GUCY1A2: variants seen among roughly 807,000 people sequenced by gnomAD.
The protein encoded by GUCY1A2 is guanylate cyclase soluble subunit alpha-2.
GUCY1A2 carries 27 observed loss-of-function variants against 63.5 expected under a neutral mutation model. The observed-to-expected ratio is 0.43, with a 90% confidence interval of 0.31 to 0.59. The LOEUF is 0.59. Ranked by LOEUF, GUCY1A2 falls within the 20% of genes least tolerant of loss-of-function variation. The pLI is 0.11. For missense variants in GUCY1A2, 768 were observed against 913.3 expected (o/e 0.84, Z 2.05); for synonymous variants, 364 against 343.5 (o/e 1.06, Z -0.66).
chr11:106,870,473 A>T (rs1232328653), intron 4 of GUCY1A2, among the ~76,000 whole-genome samples: 2 of 152,126 alleles, frequency 1.3e-5, no homozygotes, highest in Non-Finnish European at 2.9e-5. Flanking sequence ...TAACCAATTA[A>T]CATTAATATA....
intron 6 of GUCY1A2, among the ~76,000 whole-genome samples, chr11:106,760,769 C>A (rs1201074445): frequency 6.6e-6 from 1 of 151,942 alleles, no homozygotes; most frequent in Non-Finnish European, 1.5e-5. Flanking sequence ...AAATAACTGG[C>A]CCATCATTTC....
chr11:107,015,778 C>A (rs1861815229), intron 1 of GUCY1A2, among the ~76,000 whole-genome samples: 1 of 151,954 alleles, frequency 6.6e-6, no homozygotes, highest in Non-Finnish European at 1.5e-5. Flanking sequence ...TAAATATTTT[C>A]AACAATTTGC....
intron 4 of GUCY1A2, chr11:106,936,591 G>T: frequency 1.1e-6 from 1 of 904,080 alleles, no homozygotes; most frequent in Non-Finnish European, 1.7e-6. Context: ...AAAATGTAGA[G>T]GAAACCAAGT....
Position 106,684,354 on chromosome 11 carries a change from A to G in GUCY1A2, c.*3195T>C, listed in dbSNP as rs1420583218. The stretch of plus-strand genomic sequence containing the variant: ...GGCAGATTGTACGCAATTGGGTCCC[A>G]TGTTACCTGGAAGCTATGTCTTCTT... On this transcript the variant is annotated 3_prime_UTR_variant, in exon 8 of 8. Transcript: ENST00000526355. 5.2e-6 allele frequency: 1 copy of G among 190,552 alleles called. No homozygotes were observed. The highest frequency in any genetic ancestry group is 1.1e-5 in the Non-Finnish European group (1 of 90,886). The allele number at this position is 190,552 out of a possible 1,614,324, so 11.8% of individuals were successfully genotyped here.
chr11:106,845,834 T>C (rs2135447033), intron 4 of GUCY1A2, among the ~76,000 whole-genome samples: 1 of 151,782 alleles, frequency 6.6e-6, no homozygotes, highest in Non-Finnish European at 1.5e-5. Context: ...GGTATGCTCA[T>C]ATGGTCTAAA....
intron 6 of GUCY1A2, among the ~76,000 whole-genome samples, chr11:106,727,758 T>C (rs535273433): frequency 4.6e-5 from 7 of 152,304 alleles, no homozygotes; most frequent in Admixed American, 1.3e-4. Flanking sequence ...CTTCTAAATG[T>C]CTCCATATTT....
chr11:106,728,044 C>G (rs1863437443), intron 6 of GUCY1A2, among the ~76,000 whole-genome samples: 1 of 152,186 alleles, frequency 6.6e-6, no homozygotes, highest in Non-Finnish European at 1.5e-5. Context: ...TGGCCTGGCT[C>G]CTCGTAAATG....
At chr11:106,694,930 G>A (rs1363297777) in intron 7 of GUCY1A2, among the ~76,000 whole-genome samples, 2 of 151,900 alleles carry the variant, frequency 1.3e-5, no homozygotes, top group African/African-American at 4.8e-5. Flanking sequence ...TTCTACCCTT[G>A]TACTTTTTCT....
chr11:106,997,559 T>G (rs922458877), intron 1 of GUCY1A2, among the ~76,000 whole-genome samples: 2 of 151,282 alleles, frequency 1.3e-5, no homozygotes, highest in Non-Finnish European at 1.5e-5. Context: ...CAAAAATCGC[T>G]ACCACCACTC....
At chr11:106,922,695 A>G (rs1449230477) in intron 4 of GUCY1A2, among the ~76,000 whole-genome samples, 1 of 17,294 alleles carries the variant, frequency 5.8e-5, no homozygotes, top group Non-Finnish European at 1.4e-4. Context: ...ATATATATAT[A>G]TATATATATA....
At chr11:106,784,478 C>T (rs1864522124) in intron 5 of GUCY1A2, among the ~76,000 whole-genome samples, 1 of 151,998 alleles carries the variant, frequency 6.6e-6, no homozygotes, top group African/African-American at 2.4e-5. Context: ...GTCCCAGTTG[C>T]TGGGACCAGA....
At chr11:106,853,740 A>G (rs1859387955) in intron 4 of GUCY1A2, among the ~76,000 whole-genome samples, 1 of 152,028 alleles carries the variant, frequency 6.6e-6, no homozygotes, top group Admixed American at 6.5e-5. Flanking sequence ...TTATGTTGAT[A>G]CCTCTGCATC....
intron 4 of GUCY1A2, among the ~76,000 whole-genome samples, chr11:106,850,585 T>C (rs1467004575): frequency 6.6e-6 from 1 of 151,808 alleles, no homozygotes; most frequent in Non-Finnish European, 1.5e-5. Flanking sequence ...CACCCACATA[T>C]GTGTGACAAC....
intron 1 of GUCY1A2, among the ~76,000 whole-genome samples, chr11:106,989,046 CAAGT>C (rs1160312593): frequency 2.1e-4 from 32 of 152,296 alleles, no homozygotes; most frequent in Admixed American, 2.6e-4. Context: ...GCCAGTGATG[CAAGT>C]CAATGTAGAT....
At chr11:106,824,985 A>C in intron 4 of GUCY1A2, 2 of 1,611,688 alleles carry the variant, frequency 1.2e-6, no homozygotes, top group Non-Finnish European at 1.7e-6. Context: ...TTTCTAATTA[A>C]AGATGGTTTA....
At chr11:106,798,364 A>T (rs1283654086) in intron 5 of GUCY1A2, among the ~76,000 whole-genome samples, 1 of 152,166 alleles carries the variant, frequency 6.6e-6, no homozygotes, top group Non-Finnish European at 1.5e-5. Context: ...ATTCCTTCTG[A>T]AACTATTCCA....
chr11:106,982,937 C>T (rs1861356660), intron 2 of GUCY1A2, among the ~76,000 whole-genome samples: 1 of 152,206 alleles, frequency 6.6e-6, no homozygotes, highest in Non-Finnish European at 1.5e-5. Flanking sequence ...CAAGCAGCAT[C>T]AGCATTACTT....
chr11:106,747,785 C>T (rs759004951), intron 6 of GUCY1A2, among the ~76,000 whole-genome samples: 2 of 152,090 alleles, frequency 1.3e-5, no homozygotes, highest in East Asian at 1.9e-4. Flanking sequence ...ATGGGGAGGT[C>T]GGGCTTCCAG....
intron 4 of GUCY1A2, among the ~76,000 whole-genome samples, chr11:106,891,220 T>A (rs935634760): frequency 1.3e-5 from 2 of 152,170 alleles, no homozygotes; most frequent in African/African-American, 4.8e-5. Context: ...ATAATGATAA[T>A]GTAAGCATCT....
Sources: allele counts gnomAD v4.1 joint callset (sites outside exome capture counted in the v4.1 genomes callset), GRCh38; gene constraint gnomAD v4.1.1; transcripts MANE v1.5; gene names NCBI Gene and HGNC (gene_info 2026-07-23, HGNC 2026-07-21).